RNF115: variants seen among roughly 807,000 people sequenced by gnomAD.
RNF115 encodes ring finger protein 115.
Under a neutral mutation model 39.2 loss-of-function variants are expected in RNF115, and 31 were observed. The observed-to-expected ratio is 0.79, with a 90% CI of 0.59 to 1.07. RNF115 has a LOEUF of 1.07. Ranked by LOEUF, RNF115 falls within the 50% of genes least tolerant of loss-of-function variation. The pLI is 0.00. For synonymous variants in RNF115, 124 were observed against 131.0 expected, an observed-to-expected ratio of 0.95 and a Z score of 0.37; for missense variants, 384 against 381.7, an observed-to-expected ratio of 1.01 and a Z score of -0.05.
At chr1:145,750,668 C>T (rs183897538) in intron 6 of RNF115, among the ~76,000 whole-genome samples, 168 bp from the exon 7 acceptor site, 2 of 152,334 alleles carry the variant, frequency 1.3e-5, no homozygotes, top group South Asian at 4.1e-4. Flanking sequence ...TGCCAGAACA[C>T]TCATAATTGC....
chr1:145,814,435 T>C, intron 1 of RNF115, among the ~76,000 whole-genome samples: 1 of 151,534 alleles, frequency 6.6e-6, no homozygotes. Flanking sequence ...ATACAAAAAT[T>C]AGCCAGGCGT....
At chr1:145,795,399 C>G (rs587599721) in intron 1 of RNF115, among the ~76,000 whole-genome samples, 2 of 152,176 alleles carry the variant, frequency 1.3e-5, no homozygotes, top group South Asian at 4.2e-4. Context: ...AGCTTTTATT[C>G]CCTTATTTGT....
intron 1 of RNF115, among the ~76,000 whole-genome samples, chr1:145,818,748 GAACA>G (rs1390633750): frequency 2.4e-3 from 355 of 149,754 alleles, no homozygotes; most frequent in African/African-American, 8.4e-3. Flanking sequence ...AGAAAAACAA[GAACA>G]AACCAACCCC....
chr1:145,783,171 A>AT (rs1479269073), intron 3 of RNF115, among the ~76,000 whole-genome samples: 1 of 152,206 alleles, frequency 6.6e-6, no homozygotes, highest in Non-Finnish European at 1.5e-5. Context: ...CCCAGAACAC[A>AT]TATTAAATAA....
At chr1:145,788,804 T>C (rs782782681) in intron 2 of RNF115, 104 bp downstream of exon 2, 1 of 837,078 alleles carries the variant, frequency 1.2e-6, no homozygotes, top group South Asian at 1.4e-5. Flanking sequence ...TCGCTCTCTC[T>C]GTAGAGTGTA....
rs377166976 is a variant in RNF115 at position 145,808,192 on chromosome 1, C to G, written c.102+15580G>C. On this transcript the variant is annotated intron_variant, in intron 1 of 8. Transcript: ENST00000582693. ...CCCTTTGATATACTGATTTCTTTTCCTCTGGATAACTACCCAGTAGCGGGA... is the reference window on the plus strand; with the variant it reads ...CCCTTTGATATACTGATTTCTTTTCGTCTGGATAACTACCCAGTAGCGGGA... Among the ~76,000 whole-genome samples the G allele has an allele frequency of 3.3e-5, 5 of 152,226 alleles. No homozygotes were observed. The East Asian group carries it at 9.6e-4, about 29-fold the overall frequency.
At chr1:145,758,443 C>G (rs587593521) in intron 4 of RNF115, among the ~76,000 whole-genome samples, 41 of 152,272 alleles carry the variant, frequency 2.7e-4, no homozygotes, top group African/African-American at 9.1e-4. Context: ...AAGCCCTTCA[C>G]CAGAACCATC....
intron 3 of RNF115, among the ~76,000 whole-genome samples, chr1:145,779,084 G>A (rs781883095): frequency 7.2e-4 from 110 of 152,056 alleles, no homozygotes; most frequent in Non-Finnish European, 1.4e-3. Flanking sequence ...AAGTATGATC[G>A]ATGATCAACC....
chr1:145,804,400 A>G (rs1356888904), intron 1 of RNF115, among the ~76,000 whole-genome samples: 1 of 152,122 alleles, frequency 6.6e-6, no homozygotes, highest in Non-Finnish European at 1.5e-5. Flanking sequence ...TGGTTAGAGT[A>G]ATGAATGTGA....
At chr1:145,781,593 C>A (rs1263022721) in intron 3 of RNF115, among the ~76,000 whole-genome samples, 1 of 152,152 alleles carries the variant, frequency 6.6e-6, no homozygotes, top group Non-Finnish European at 1.5e-5. Flanking sequence ...ACATTGCGGT[C>A]TACACACCTA....
At position 145,761,407 on chromosome 1, in the gene RNF115, G is replaced by A. The variant is rs587618642; in HGVS notation, c.429-8358C>T. Among the ~76,000 whole-genome samples the A allele has an allele frequency of 5.9e-5, 9 of 152,312 alleles. No homozygotes were observed. In the South Asian group the frequency reaches 6.2e-4, roughly 11 times the overall value. ...TTTGTGGGCTGGGCCCAGGGTCCCC[G>A]TGCTGTGTGCAGCCTAGGGACTTGG... On this transcript the variant is annotated intron_variant, in intron 4 of 8. Coordinates refer to ENST00000582693, the MANE Select transcript of RNF115 (RefSeq NM_014455.4).
chr1:145,818,265 T>G (rs1650077462), intron 1 of RNF115, among the ~76,000 whole-genome samples: 2 of 152,080 alleles, frequency 1.3e-5, no homozygotes, highest in African/African-American at 4.8e-5. Context: ...CAACTGTTAT[T>G]CTTTAACTTT....
At chr1:145,819,559 T>C (rs1388087252) in intron 1 of RNF115, among the ~76,000 whole-genome samples, 7 of 152,144 alleles carry the variant, frequency 4.6e-5, no homozygotes, top group Admixed American at 1.3e-4. Context: ...CCAATCCTAC[T>C]GAAATTATTC....
chr1:145,756,198 C>G (rs1036480141), intron 4 of RNF115, among the ~76,000 whole-genome samples: 1 of 152,118 alleles, frequency 6.6e-6, no homozygotes, highest in African/African-American at 2.4e-5. Context: ...CGGTAGCTCA[C>G]GCCTATAATC....
chr1:145,767,947 TCAGAGA>T (rs147573915), intron 4 of RNF115, among the ~76,000 whole-genome samples: 128,679 of 151,650 alleles, frequency 0.85, 54,995 homozygotes, highest in African/African-American at 0.95. Context: ...CGGCTCGGCA[TCAGAGA>T]CAGAGAGAGA....
chr1:145,751,096 A>T (rs1553712407), intron 6 of RNF115, among the ~76,000 whole-genome samples: 4 of 152,214 alleles, frequency 2.6e-5, no homozygotes, highest in Non-Finnish European at 5.9e-5. Flanking sequence ...TCCCTGCTTC[A>T]ACATGTGAGG....
rs1657607413 is a variant in RNF115, at chr1:145,738,966, T to C, written c.*7900A>G. ...AAAGGAAGACAGCCAGATCCAGTGATTGACTTGGCATGAAAATGAGAAAAT... is the reference window on the plus strand; with the variant it reads ...AAAGGAAGACAGCCAGATCCAGTGACTGACTTGGCATGAAAATGAGAAAAT... On this transcript the variant is annotated 3_prime_UTR_variant, in exon 9 of 9. Coordinates refer to ENST00000582693, the MANE Select transcript of RNF115 (RefSeq NM_014455.4). 1 of 154,374 alleles carries C rather than the reference T, an allele frequency of 6.5e-6. No homozygotes were observed. Among genetic ancestry groups the C allele is most frequent in the South Asian group, 2.0e-4 (1 of 4,954 alleles). The allele number at this position is 154,374 out of a possible 1,614,324, so 9.6% of individuals were successfully genotyped here. A position where few individuals can be genotyped will look rare whatever the true frequency, so the allele number is the denominator to read the frequency against.
At chr1:145,815,100 T>G (rs1336729027) in intron 1 of RNF115, among the ~76,000 whole-genome samples, 1 of 152,304 alleles carries the variant, frequency 6.6e-6, no homozygotes, top group Admixed American at 6.5e-5. Context: ...TTAAGAAATC[T>G]GCTTTTTAGC....
chr1:145,792,340 T>C (rs1378253316), intron 1 of RNF115, among the ~76,000 whole-genome samples: 1 of 151,976 alleles, frequency 6.6e-6, no homozygotes, highest in African/African-American at 2.4e-5. Flanking sequence ...GAAACACTTT[T>C]TTTCTAAAGA....
Sources: gnomAD v4.1 joint callset for allele counts (sites outside exome capture counted in the v4.1 genomes callset) on GRCh38, gnomAD v4.1.1 for gene constraint, MANE v1.5 for transcripts, NCBI Gene and HGNC (gene_info 2026-07-23, HGNC 2026-07-21) for gene names.